Variants in ANKRD45 observed in about 807,000 individuals in gnomAD.
ANKRD45 encodes the protein ankyrin repeat domain-containing protein 45.
In ANKRD45, 21 loss-of-function variants were observed where a neutral mutation model predicts 28.1. The ratio of observed to expected loss-of-function variants is 0.75; its 90% confidence interval spans 0.53 to 1.08. The LOEUF (loss-of-function observed/expected upper bound fraction) is 1.08. Among genes scored for constraint, ANKRD45 ranks in the 50% least tolerant of loss-of-function variants. The pLI, the probability that ANKRD45 is intolerant of heterozygous loss-of-function variation, is 0.00. For synonymous variants in ANKRD45, 86 were observed against 103.9 expected (o/e 0.83, Z 1.05); for missense variants, 261 against 308.7 (o/e 0.85, Z 1.16).
At position 173,635,854 on chromosome 1, in the gene ANKRD45, G is replaced by C. The variant is rs764890033; in HGVS notation, c.497-8695C>G. 3 of 1,506,930 alleles carry C rather than the reference G, an allele frequency of 2.0e-6. No homozygotes were observed. The South Asian group carries it at 3.6e-5, about 18-fold the overall frequency. The allele number at this position is 1,506,930 out of a possible 1,614,324, so 93.3% of individuals were successfully genotyped here. On this transcript the variant is annotated intron_variant, in intron 3 of 5. Coordinates refer to ENST00000333279, the MANE Select transcript of ANKRD45 (RefSeq NM_198493.3). The stretch of plus-strand genomic sequence containing the variant: ...AGAAACACCAAAAAAAGGTGAATTC[G>C]TGATACAAGTAGTAATAGTTACAAA...
chr1:173,713,003 T>C, the ANKRD45 span, among the ~76,000 whole-genome samples: 3 of 152,188 alleles, frequency 2.0e-5, no homozygotes, highest in Non-Finnish European at 4.4e-5. Flanking sequence ...GGACCTTCAT[T>C]GATCAACATG....
the ANKRD45 span, among the ~76,000 whole-genome samples, chr1:173,682,724 T>G: frequency 9.5e-6 from 1 of 104,984 alleles, no homozygotes; most frequent in Non-Finnish European, 1.9e-5. Flanking sequence ...CACACACACA[T>G]CTTGGATGTT....
chr1:173,713,434 A>G, the ANKRD45 span, among the ~76,000 whole-genome samples: 3 of 152,174 alleles, frequency 2.0e-5, no homozygotes, highest in African/African-American at 7.2e-5. Flanking sequence ...CCAAAACTCA[A>G]TTGCCTTTGT....
intron 5 of ANKRD45, among the ~76,000 whole-genome samples, chr1:173,613,653 G>T (rs1185976615): frequency 6.8e-6 from 1 of 147,690 alleles, no homozygotes; most frequent in African/African-American, 2.6e-5. Flanking sequence ...GAGGAGGGGG[G>T]TCAGCCCCCG....
the ANKRD45 span, among the ~76,000 whole-genome samples, chr1:173,696,311 G>T: frequency 6.6e-6 from 1 of 152,162 alleles, no homozygotes; most frequent in Non-Finnish European, 1.5e-5. Context: ...TTTTGTTCTT[G>T]TTACAATTGC....
intron 3 of ANKRD45, among the ~76,000 whole-genome samples, chr1:173,638,077 G>C (rs1391295937): frequency 6.8e-6 from 1 of 147,758 alleles, no homozygotes; most frequent in Non-Finnish European, 1.5e-5. Flanking sequence ...TTCCTTGGTG[G>C]TCAGCTTTTG....
the ANKRD45 span, among the ~76,000 whole-genome samples, chr1:173,701,537 G>A: frequency 1.3e-5 from 2 of 152,304 alleles, no homozygotes; most frequent in East Asian, 3.9e-4. Flanking sequence ...GATGAAGCTG[G>A]AAACCATCAT....
chr1:173,658,229 T>G (rs192222320), intron 2 of ANKRD45: 71 of 198,798 alleles, frequency 3.6e-4, no homozygotes, highest in Non-Finnish European at 6.3e-4. Context: ...GAAGCTAAGG[T>G]GTGAGAATCA....
the ANKRD45 span, among the ~76,000 whole-genome samples, chr1:173,712,511 G>A: frequency 6.6e-6 from 1 of 152,190 alleles, no homozygotes; most frequent in African/African-American, 2.4e-5. Flanking sequence ...ATAAGTATTT[G>A]CTAGTATTAT....
chr1:173,661,386 G>A (rs1471234727), intron 1 of ANKRD45, among the ~76,000 whole-genome samples: 1 of 152,170 alleles, frequency 6.6e-6, no homozygotes, highest in Admixed American at 6.5e-5. Flanking sequence ...AGGTATTTTT[G>A]GGAATGAGCA....
the ANKRD45 span, among the ~76,000 whole-genome samples, chr1:173,688,294 TTCTC>T: frequency 6.6e-6 from 1 of 151,940 alleles, no homozygotes. Flanking sequence ...ACATCTTTCT[TTCTC>T]TCTGACTTTC....
At chr1:173,637,031 T>C in intron 3 of ANKRD45, 6 of 1,514,996 alleles carry the variant, frequency 4.0e-6, no homozygotes, top group Non-Finnish European at 5.3e-6. Context: ...AGCCAGAAGA[T>C]ACTAAATAAA....
intron 5 of ANKRD45, among the ~76,000 whole-genome samples, chr1:173,614,093 C>A (rs1667352485): frequency 6.6e-6 from 1 of 152,000 alleles, no homozygotes; most frequent in Admixed American, 6.5e-5. Context: ...GAGTCATCAC[C>A]ACTCCCTAAT....
the ANKRD45 span, among the ~76,000 whole-genome samples, chr1:173,697,983 A>G: frequency 8.0e-5 from 12 of 149,988 alleles, no homozygotes; most frequent in Non-Finnish European, 4.4e-5. Flanking sequence ...TTACCAAGAA[A>G]ATGGAAAGAA....
chr1:173,632,542 AC>A lies in ANKRD45; in HGVS notation c.497-5384del, dbSNP rs1558126454. 3.3e-5 allele frequency among the ~76,000 whole-genome samples: 5 copies of A among 151,400 alleles called. No homozygotes were observed. The South Asian group carries it at 6.2e-4, about 19-fold the overall frequency. ...CAAAGACACATCAAAAAAAAAAAAA[AC>A]AAAACAAAACCCCAAAACTACAAGC... On this transcript the variant is annotated intron_variant, in intron 3 of 5. Transcript: ENST00000333279.
the ANKRD45 span, among the ~76,000 whole-genome samples, chr1:173,698,885 G>GT: frequency 3.5e-4 from 51 of 147,562 alleles, no homozygotes; most frequent in Admixed American, 6.1e-4. Flanking sequence ...TCCAGGAGCT[G>GT]TTTTTTTTTT....
chr1:173,637,108 A>T, intron 3 of ANKRD45: 1 of 1,135,944 alleles, frequency 8.8e-7, no homozygotes, highest in Admixed American at 2.6e-5. Flanking sequence ...TAAGGATTAA[A>T]AATTGTTCTT....
intron 5 of ANKRD45, among the ~76,000 whole-genome samples, chr1:173,624,097 A>G (rs1667821663): frequency 6.6e-6 from 1 of 152,162 alleles, no homozygotes; most frequent in African/African-American, 2.4e-5. Context: ...GTACCCTGCA[A>G]CTTAAAATAA....
intron 5 of ANKRD45, among the ~76,000 whole-genome samples, chr1:173,617,062 C>T (rs765313529): frequency 1.2e-4 from 18 of 152,022 alleles, no homozygotes; most frequent in Non-Finnish European, 2.1e-4. Context: ...TGCAACCCAC[C>T]GATCACGAGA....
Sources: allele counts gnomAD v4.1 joint callset (sites outside exome capture counted in the v4.1 genomes callset), GRCh38; gene constraint gnomAD v4.1.1; transcripts MANE v1.5; gene names NCBI Gene and HGNC (gene_info 2026-07-23, HGNC 2026-07-21).